CNTNAP2: variants seen among roughly 807,000 people sequenced by gnomAD.
The protein encoded by CNTNAP2 is contactin associated protein 2.
In CNTNAP2, 98 loss-of-function variants were observed where a neutral mutation model predicts 155.2. The observed-to-expected ratio is 0.63, with a 90% CI of 0.54 to 0.75. CNTNAP2 has a LOEUF of 0.75. Ranked by LOEUF, CNTNAP2 falls within the 30% of genes least tolerant of loss-of-function variation. CNTNAP2 has a pLI of 0.00. For synonymous variants in CNTNAP2, 651 were observed against 631.2 expected (o/e 1.03, Z -0.47); for missense variants, 1,727 against 1,688.1 (o/e 1.02, Z -0.40).
At chr7:146,671,814 G>A (rs1173565982) in intron 1 of CNTNAP2, among the ~76,000 whole-genome samples, 2 of 150,204 alleles carry the variant, frequency 1.3e-5, no homozygotes, top group South Asian at 2.1e-4. Context: ...TTTTTATTTT[G>A]TTTTTATTTT....
At chr7:147,472,274 A>G (rs1286901245) in intron 10 of CNTNAP2, among the ~76,000 whole-genome samples, 1 of 128,082 alleles carries the variant, frequency 7.8e-6, no homozygotes, top group East Asian at 2.2e-4. Flanking sequence ...GTGCAGTGGC[A>G]TGATCTCGGC....
intron 9 of CNTNAP2, among the ~76,000 whole-genome samples, chr7:147,360,879 G>A (rs149936054): frequency 0.022 from 3,319 of 152,244 alleles, 53 homozygotes; most frequent in Non-Finnish European, 0.034. Flanking sequence ...GTAGGTGGTC[G>A]CAGAAGGGGT....
intron 8 of CNTNAP2, among the ~76,000 whole-genome samples, chr7:147,186,948 C>T (rs1802579055): frequency 7.1e-6 from 1 of 141,436 alleles, no homozygotes. Flanking sequence ...CTGAAGGTTG[C>T]TGAGCCCCAT....
chr7:147,768,530 T>C (rs1449001762), intron 13 of CNTNAP2, among the ~76,000 whole-genome samples: 3 of 152,138 alleles, frequency 2.0e-5, no homozygotes, highest in African/African-American at 7.2e-5. Context: ...TTTATTCTCT[T>C]TCTGAACTTT....
chr7:146,295,874 C>CAAA (rs112015205), intron 1 of CNTNAP2, among the ~76,000 whole-genome samples: 7 of 107,302 alleles, frequency 6.5e-5, no homozygotes, highest in African/African-American at 2.1e-4. Context: ...GACTCCATCT[C>CAAA]AAAAAAAAAA....
intron 15 of CNTNAP2, among the ~76,000 whole-genome samples, chr7:148,008,556 A>C (rs1322097162): frequency 6.6e-6 from 1 of 152,210 alleles, no homozygotes; most frequent in Non-Finnish European, 1.5e-5. Flanking sequence ...TCGGCTTCCA[A>C]GATCTTATCC....
chr7:147,925,283 A>AGTGCGT (rs1554450430), intron 14 of CNTNAP2, among the ~76,000 whole-genome samples: 10 of 90,700 alleles, frequency 1.1e-4, no homozygotes, highest in Middle Eastern at 8.8e-3. Flanking sequence ...AACACACACA[A>AGTGCGT]GCGCGCGCGC....
At chr7:147,354,043 T>G (rs1324141090) in intron 9 of CNTNAP2, among the ~76,000 whole-genome samples, 1 of 152,134 alleles carries the variant, frequency 6.6e-6, no homozygotes, top group Non-Finnish European at 1.5e-5. Context: ...TAGCTCTTTA[T>G]CATATGGATA....
chr7:146,198,406 A>G lies in CNTNAP2; in HGVS notation c.97+81433A>G, dbSNP rs760365368. Among the ~76,000 whole-genome samples the G allele has an allele frequency of 5.5e-4, 83 of 152,222 alleles. 1 individual carries two copies. Among genetic ancestry groups the G allele is most frequent in the Non-Finnish European group, 1.2e-3 (81 of 68,024 alleles). ...CTCAAAAGTGAATGACTTATTCGTT[A>G]TATTGAAAATAGAAAGCCCAAGTCC... On this transcript the variant is annotated intron_variant, in intron 1 of 23. Transcript: ENST00000361727.
chr7:148,270,252 C>A (rs887976847), intron 21 of CNTNAP2, among the ~76,000 whole-genome samples: 1 of 152,174 alleles, frequency 6.6e-6, no homozygotes, highest in Admixed American at 6.5e-5. Flanking sequence ...AAAAGTGTAC[C>A]ATGAGCCTCA....
At chr7:146,573,715 T>G (rs1431826730) in intron 1 of CNTNAP2, among the ~76,000 whole-genome samples, 3 of 152,288 alleles carry the variant, frequency 2.0e-5, no homozygotes, top group Non-Finnish European at 4.4e-5. Context: ...AACAGCACAG[T>G]GTGAGGATTT....
chr7:148,122,035 A>AT, intron 16 of CNTNAP2, among the ~76,000 whole-genome samples: 1 of 152,212 alleles, frequency 6.6e-6, no homozygotes, highest in Non-Finnish European at 1.5e-5. Context: ...AATAACAAAA[A>AT]TAGCTCAGCT....
intron 1 of CNTNAP2, among the ~76,000 whole-genome samples, chr7:146,130,357 C>A (rs899464381): frequency 3.3e-5 from 5 of 152,114 alleles, no homozygotes; most frequent in African/African-American, 1.2e-4. Context: ...GTAGTCCTAG[C>A]TACTGGAGAG....
intron 9 of CNTNAP2, among the ~76,000 whole-genome samples, chr7:147,347,434 ATATATGC>A (rs1470175157): frequency 3.2e-5 from 1 of 31,348 alleles, no homozygotes; most frequent in African/African-American, 1.3e-4. Flanking sequence ...ATATATATAT[ATATATGC>A]ATATATATAT....
At chr7:146,523,610 G>A (rs1481292210) in intron 1 of CNTNAP2, among the ~76,000 whole-genome samples, 1 of 151,850 alleles carries the variant, frequency 6.6e-6, no homozygotes, top group Admixed American at 6.6e-5. Flanking sequence ...AAAAAATAAG[G>A]TCTTTCTTTA....
intron 13 of CNTNAP2, among the ~76,000 whole-genome samples, chr7:147,845,046 C>A (rs1440880398): frequency 1.3e-5 from 1 of 76,236 alleles, no homozygotes; most frequent in Non-Finnish European, 2.6e-5. Flanking sequence ...GGATATTGGT[C>A]TAAAATTCTC....
chr7:146,349,800 A>G (rs991310482), intron 1 of CNTNAP2, among the ~76,000 whole-genome samples: 30 of 151,770 alleles, frequency 2.0e-4, no homozygotes, highest in Non-Finnish European at 4.1e-4. Context: ...ATTGGCCCCC[A>G]CTCTCTTCTG....
At chr7:147,895,445 G>A (rs1799761889) in intron 13 of CNTNAP2, among the ~76,000 whole-genome samples, 1 of 152,004 alleles carries the variant, frequency 6.6e-6, no homozygotes, top group Non-Finnish European at 1.5e-5. Context: ...TTCATATTTG[G>A]CTGTTTTAAT....
intron 1 of CNTNAP2, among the ~76,000 whole-genome samples, chr7:146,175,365 T>A (rs1331411988): frequency 6.6e-6 from 1 of 152,172 alleles, no homozygotes. Flanking sequence ...TTTGAGGAAG[T>A]GAAGGATGAA....
Sources: allele counts gnomAD v4.1 joint callset (sites outside exome capture counted in the v4.1 genomes callset), GRCh38; gene constraint gnomAD v4.1.1; transcripts MANE v1.5; gene names NCBI Gene and HGNC (gene_info 2026-07-23, HGNC 2026-07-21).